The following TRIOBP variants were observed in gnomAD, a reference collection of about 807,000 sequenced individuals.
TRIOBP encodes TRIO and F-actin binding protein, also known as TRIO and F-actin-binding protein.
Under a neutral mutation model 238.8 loss-of-function variants are expected in TRIOBP, and 169 were observed. That is an observed-to-expected ratio of 0.71 (90% CI 0.62 to 0.80). The LOEUF is 0.80. TRIOBP is among the 30% of genes least tolerant of loss of function. The pLI, the probability that TRIOBP is intolerant of heterozygous loss-of-function variation, is 0.00. For missense variants in TRIOBP, 2,838 were observed against 3,122.6 expected (o/e 0.91, Z 2.17); for synonymous variants, 1,150 against 1,274.4 (o/e 0.90, Z 2.08).
At chr22:37,751,538 C>T (rs542500041) in intron 11 of TRIOBP, 82 of 577,358 alleles carry the variant, frequency 1.4e-4, no homozygotes, top group African/African-American at 1.4e-3. Flanking sequence ...AGCCACCCAG[C>T]CCAACTTCTT....
chr22:37,764,695 A>G (rs930037655), intron 17 of TRIOBP, among the ~76,000 whole-genome samples: 1 of 151,956 alleles, frequency 6.6e-6, no homozygotes, highest in African/African-American at 2.4e-5. Context: ...TGTGGCGGAC[A>G]CTCCCAGCAG....
Position 37,734,608 on chromosome 22 carries a change from G to A in TRIOBP, c.4272G>A (p.Leu1424=). 1 of 1,582,530 alleles carries A rather than the reference G, an allele frequency of 6.3e-7. No homozygotes were observed. Among genetic ancestry groups the A allele is most frequent in the Non-Finnish European group, 8.6e-7 (1 of 1,164,618 alleles). The part of the protein sequence containing the change: ...ESGQAGPRQP[L]GVWQSQEEPP... ...GCCAAGCAGGCCCAAGACAGCCTCT[G>A]GGGGTGTGGCAGAGTCAGGAGGAAC... Residue 1424 remains leucine (L), a synonymous_variant, in exon 9 of 24, where the codon CTG becomes CTA. Transcript: ENST00000644935.
At chr22:37,741,549 C>T (rs1394254610) in intron 11 of TRIOBP, among the ~76,000 whole-genome samples, 1 of 152,248 alleles carries the variant, frequency 6.6e-6, no homozygotes, top group Non-Finnish European at 1.5e-5. Context: ...CGCTTCACAG[C>T]AGGACAGAAG....
intron 18 of TRIOBP, among the ~76,000 whole-genome samples, chr22:37,767,385 G>GGGT (rs1360086860): frequency 2.0e-5 from 3 of 152,134 alleles, no homozygotes; most frequent in African/African-American, 7.2e-5. Context: ...GTAAAACCAT[G>GGGT]GGTGGCCCTG....
intron 7 of TRIOBP, among the ~76,000 whole-genome samples, chr22:37,730,966 A>G (rs1218861396): frequency 2.0e-5 from 3 of 151,112 alleles, no homozygotes; most frequent in Non-Finnish European, 4.4e-5. Context: ...AAAAAAAAAA[A>G]AGTTACAAAC....
Position 37,769,107 on chromosome 22 carries a change from C to T in TRIOBP, c.6655C>T (p.Leu2219Phe), listed in dbSNP as rs751844523. ...YSQKCLEIGA[L>F]MRQAEEREHT... ...GCAGAAGTGCCTGGAGATTGGGGCACTCATGCGGCAGGCTGAGGAGCGCGA... is the reference window on the plus strand; with the variant it reads ...GCAGAAGTGCCTGGAGATTGGGGCATTCATGCGGCAGGCTGAGGAGCGCGA... The change falls in exon 20 of 24, where the codon CTC (leucine) becomes TTC (phenylalanine). Residue 2219 changes from leucine to phenylalanine, a missense_variant. Physicochemically the swap from Leu to Phe is conservative, Grantham distance 22. Coordinates refer to ENST00000644935, the MANE Select transcript of TRIOBP (RefSeq NM_001039141.3). 2.5e-6 allele frequency: 4 copies of T among 1,613,518 alleles called. No individual in the cohort carries two copies. Among genetic ancestry groups the T allele is most frequent in the East Asian group, 2.2e-5 (1 of 44,884 alleles).
rs762977563 is a variant in TRIOBP at position 37,769,357 on chromosome 22, G to C, written c.6831G>C (p.Arg2277=). The C allele has an allele frequency of 1.2e-6, 2 of 1,607,052 alleles. No individual in the cohort carries two copies. The highest frequency in any genetic ancestry group is 1.7e-6 in the Non-Finnish European group (2 of 1,178,086). ...ATGGCTGCGGGCGCAGCAACGAGCG[G>C]AGTTCCTGCGAGCTAGAGGTGAGTG... ...MGNGCGRSNE[R]SSCELEVLLR... Residue 2277 remains arginine (R), a synonymous_variant, in exon 21 of 24, where the codon CGG becomes CGC. Transcript: ENST00000644935.
At chr22:37,721,894 C>T (rs1351098614) in intron 6 of TRIOBP, among the ~76,000 whole-genome samples, 1 of 152,096 alleles carries the variant, frequency 6.6e-6, no homozygotes, top group Non-Finnish European at 1.5e-5. Flanking sequence ...AGGGATTGAG[C>T]GGGGTGGAGG....
At chr22:37,706,208 G>A (rs945309384) in intron 3 of TRIOBP, among the ~76,000 whole-genome samples, 2 of 152,082 alleles carry the variant, frequency 1.3e-5, no homozygotes, top group Non-Finnish European at 2.9e-5. Flanking sequence ...ATGGTGTGGG[G>A]TGTCGGCAGG....
chr22:37,737,104 G>A (rs990729316), intron 9 of TRIOBP, among the ~76,000 whole-genome samples: 1 of 152,188 alleles, frequency 6.6e-6, no homozygotes, highest in African/African-American at 2.4e-5. Context: ...TTGCTGTCAG[G>A]CTTGTTAGGA....
chr22:37,764,194 C>G (rs1047616879), intron 17 of TRIOBP, among the ~76,000 whole-genome samples: 1 of 152,200 alleles, frequency 6.6e-6, no homozygotes, highest in Non-Finnish European at 1.5e-5. Context: ...TCCTCTTTGC[C>G]ATGTAACATG....
intron 7 of TRIOBP, chr22:37,726,707 T>TG (rs1425135605): frequency 1.7e-5 from 10 of 575,274 alleles, no homozygotes; most frequent in Admixed American, 3.7e-5. Context: ...GGTTAAGTGA[T>TG]GTCATGCACA....
At chr22:37,717,196 AGTT>A (rs1297843653) in intron 6 of TRIOBP, among the ~76,000 whole-genome samples, 1 of 152,206 alleles carries the variant, frequency 6.6e-6, no homozygotes, top group Admixed American at 6.5e-5. Flanking sequence ...ACGCGTCCGC[AGTT>A]GTTCTTTCCT....
At chr22:37,771,900 G>T (rs1043615701) in intron 22 of TRIOBP, 164 bp downstream of exon 22, 3 of 723,436 alleles carry the variant, frequency 4.1e-6, no homozygotes, top group African/African-American at 3.5e-5. Context: ...CACTGACAGG[G>T]AAACTGAGAC....
At position 37,724,842 on chromosome 22, in the gene TRIOBP, C is replaced by T; in HGVS notation, c.2286C>T (p.Thr762=). The change falls in exon 7 of 24, where the codon ACC becomes ACT. Residue 762 remains threonine (T), a synonymous_variant. Coordinates refer to ENST00000644935, the MANE Select transcript of TRIOBP (RefSeq NM_001039141.3). The part of the protein sequence containing the change: ...DNPRASSPNR[T]IQQENLRTSC... ...CCAGAGCCTCCTCTCCTAACAGAAC[C>T]ATCCAACAAGAGAACCTCAGAACAT... 1.2e-6 allele frequency: 2 copies of T among 1,613,872 alleles called. No individual in the cohort carries two copies. The highest frequency in any genetic ancestry group is 1.7e-6 in the Non-Finnish European group (2 of 1,179,980).
chr22:37,721,091 G>A (rs528555249), intron 6 of TRIOBP, among the ~76,000 whole-genome samples: 8 of 149,024 alleles, frequency 5.4e-5, no homozygotes, highest in African/African-American at 2.0e-4. Flanking sequence ...GGCTGGTATC[G>A]ATCTCCTGAC....
chr22:37,746,120 G>T (rs947178066), intron 11 of TRIOBP: 2 of 918,628 alleles, frequency 2.2e-6, no homozygotes, highest in East Asian at 1.1e-4. Flanking sequence ...CCCCCGGCCC[G>T]TCTCGCGCTT....
Position 37,723,527 on chromosome 22 carries a change from C to T in TRIOBP, c.971C>T (p.Ser324Phe). 1 of 1,613,908 alleles carries T rather than the reference C, an allele frequency of 6.2e-7. No individual in the cohort carries two copies. Reference sequence around the variant, plus strand: ...CAAGAGGACACCCCTAGGGCCTCATCCACCCAAGAGGACACCCCCAGGGCC... The same window carrying T: ...CAAGAGGACACCCCTAGGGCCTCATTCACCCAAGAGGACACCCCCAGGGCC... The part of the protein sequence containing the change: ...STQEDTPRAS[S>F]TQEDTPRASS... The change falls in exon 7 of 24, where the codon TCC (serine) becomes TTC (phenylalanine). Residue 324 changes from serine to phenylalanine, a missense_variant. By Grantham distance (155) the Ser-to-Phe change is radical. Coordinates refer to ENST00000644935, the MANE Select transcript of TRIOBP (RefSeq NM_001039141.3).
chr22:37,705,361 C>T (rs891000663), intron 3 of TRIOBP, among the ~76,000 whole-genome samples: 4 of 151,446 alleles, frequency 2.6e-5, no homozygotes, highest in Admixed American at 1.3e-4. Flanking sequence ...GGCAACAGAG[C>T]GAGAATCCTC....
Sources: gnomAD v4.1 joint callset for allele counts (sites outside exome capture counted in the v4.1 genomes callset) on GRCh38, gnomAD v4.1.1 for gene constraint, MANE v1.5 for transcripts, NCBI Gene and HGNC (gene_info 2026-07-23, HGNC 2026-07-21) for gene names.